The following PGBD5 variants were observed in gnomAD, a reference collection of about 807,000 sequenced individuals.
PGBD5 encodes the protein piggyBac transposable element-derived protein 5.
In PGBD5, 14 loss-of-function variants were observed where a neutral mutation model predicts 47.9. The observed-to-expected ratio is 0.29, with a 90% CI of 0.19 to 0.46. The LOEUF (loss-of-function observed/expected upper bound fraction) is 0.46. Among genes scored for constraint, PGBD5 ranks in the 20% least tolerant of loss-of-function variants. The probability of loss-of-function intolerance (pLI) is 1.00; values close to 1 mark genes in which losing one functional copy is unlikely to be tolerated. For missense variants in PGBD5, 635 were observed against 716.0 expected, an observed-to-expected ratio of 0.89 and a Z score of 1.29; for synonymous variants, 316 against 306.3, an observed-to-expected ratio of 1.03 and a Z score of -0.33.
intron 5 of PGBD5, 98 bp downstream of exon 5, chr1:230,332,746 A>T: frequency 7.1e-7 from 1 of 1,401,056 alleles, no homozygotes; most frequent in Non-Finnish European, 1.0e-6. Flanking sequence ...AGAGCAGCAC[A>T]GCCCACAGTG....
In PGBD5 at chr1:230,354,017, G is replaced by A. The variant is rs532705760; in HGVS notation, c.759+2877C>T. Among the ~76,000 whole-genome samples, 16 of 152,368 alleles carry A rather than the reference G, an allele frequency of 1.1e-4. No homozygotes were observed. The East Asian group carries it at 2.9e-3, about 28-fold the overall frequency. The stretch of plus-strand genomic sequence containing the variant: ...CAGCAAGGCCTGCAAGCCCCTGGGA[G>A]AGCCAGGCCCACCCCAACTGGAAAG... On this transcript the variant is annotated intron_variant, in intron 2 of 6. Coordinates refer to ENST00000391860, the MANE Select transcript of PGBD5 (RefSeq NM_001258311.2).
intron 5 of PGBD5, among the ~76,000 whole-genome samples, chr1:230,332,579 C>T (rs1208877130): frequency 6.6e-6 from 1 of 152,228 alleles, no homozygotes; most frequent in Non-Finnish European, 1.5e-5. Flanking sequence ...CCCGTGGTGG[C>T]TTGAGCCACC....
chr1:230,367,940 C>T (rs1239924126), intron 1 of PGBD5: 1 of 1,364,660 alleles, frequency 7.3e-7, no homozygotes, highest in Non-Finnish European at 9.8e-7. Flanking sequence ...CAAGGTCACG[C>T]AAGCTGGCAC....
chr1:230,336,774 T>G (rs74778015), intron 4 of PGBD5, among the ~76,000 whole-genome samples: 1,871 of 152,238 alleles, frequency 0.012, 47 homozygotes, highest in African/African-American at 0.042. Context: ...CCTAGAGCCT[T>G]ACTAGAAGCT....
At chr1:230,377,199 C>G (rs1393360052) in intron 1 of PGBD5, among the ~76,000 whole-genome samples, 1 of 152,128 alleles carries the variant, frequency 6.6e-6, no homozygotes, top group African/African-American at 2.4e-5. Context: ...AAGCAAATGC[C>G]TTGAGATAAG....
rs1558192913 is a variant in PGBD5 at position 230,335,867 on chromosome 1, A to ACATACAC, written c.1075+1240_1075+1241insGTGTATG. Among the ~76,000 whole-genome samples the ACATACAC allele has an allele frequency of 9.7e-4, 6 of 6,204 alleles. 2 individuals are homozygous for ACATACAC. Among genetic ancestry groups the ACATACAC allele is most frequent in the Non-Finnish European group, 5.5e-3 (5 of 916 alleles). The allele number at this position is 6,204 out of a possible 152,430, so 4.1% of individuals were successfully genotyped here. The stretch of plus-strand genomic sequence containing the variant: ...CACAGACACACAGATACACACACAG[A>ACATACAC]TGCATACACGGACACACAGATGCAT... On this transcript the variant is annotated intron_variant, in intron 4 of 6. Transcript: ENST00000391860.
At chr1:230,334,209 C>T (rs531938613) in intron 4 of PGBD5, among the ~76,000 whole-genome samples, 1 of 152,218 alleles carries the variant, frequency 6.6e-6, no homozygotes, top group Non-Finnish European at 1.5e-5. Context: ...TTTTGAGTCT[C>T]GCTGCTGAAA....
chr1:230,344,637 T>C (rs1197384130), intron 3 of PGBD5, among the ~76,000 whole-genome samples: 1 of 152,194 alleles, frequency 6.6e-6, no homozygotes, highest in East Asian at 1.9e-4. Context: ...ACGGACCTCA[T>C]TCAGAGTGTC....
intron 5 of PGBD5, among the ~76,000 whole-genome samples, chr1:230,327,394 C>T (rs1453141798): frequency 3.3e-5 from 5 of 152,152 alleles, no homozygotes; most frequent in East Asian, 3.9e-4. Flanking sequence ...ACCAGGGTCG[C>T]GCAGATCTGC....
At chr1:230,335,734 G>GATACAGACACACACAA (rs1667304420) in intron 4 of PGBD5, among the ~76,000 whole-genome samples, 6 of 158 alleles carry the variant, frequency 0.038, no homozygotes, top group South Asian at 0.25. Context: ...GACACACACA[G>GATACAGACACACACAA]ACTTACACAA....
intron 1 of PGBD5, among the ~76,000 whole-genome samples, chr1:230,420,878 TC>T (rs748959600): frequency 9.9e-5 from 15 of 152,144 alleles, no homozygotes. Context: ...ACAATCACAG[TC>T]CTTAAAAACA....
At chr1:230,338,291 G>A (rs1667357240) in intron 3 of PGBD5, among the ~76,000 whole-genome samples, 1 of 152,202 alleles carries the variant, frequency 6.6e-6, no homozygotes, top group Non-Finnish European at 1.5e-5. Flanking sequence ...GTCTGAGCAG[G>A]GCACGGCTGG....
intron 3 of PGBD5, among the ~76,000 whole-genome samples, chr1:230,350,144 G>T (rs190017771): frequency 1.3e-5 from 2 of 152,222 alleles, no homozygotes; most frequent in African/African-American, 4.8e-5. Flanking sequence ...GCAAGTGAGC[G>T]TGCGGTCAGC....
At chr1:230,413,041 A>G (rs778138867) in intron 1 of PGBD5, among the ~76,000 whole-genome samples, 3 of 151,716 alleles carry the variant, frequency 2.0e-5, no homozygotes, top group Non-Finnish European at 4.4e-5. Context: ...TAAGAAAACC[A>G]GTATTTTTTC....
In PGBD5 at chr1:230,317,706, C is replaced by T. The variant is rs1262297242; in HGVS notation, c.*5719G>A. 1 of 152,188 alleles carries T rather than the reference C, an allele frequency of 6.6e-6. No individual in the cohort carries two copies. Among genetic ancestry groups the T allele is most frequent in the Non-Finnish European group, 1.5e-5 (1 of 68,048 alleles). 9.4% of individuals were successfully genotyped at this position (152,188 alleles called of 1,614,324 possible). A position where few individuals can be genotyped will look rare whatever the true frequency, so the allele number is the denominator to read the frequency against. On this transcript the variant is annotated 3_prime_UTR_variant, in exon 7 of 7. Coordinates refer to ENST00000391860, the MANE Select transcript of PGBD5 (RefSeq NM_001258311.2). Reference sequence around the variant, plus strand: ...CCTGAGGGAGCCAGGAGGCTTGACACGTGAGGGAAGCCGCACACACTCCTC... The same window carrying T: ...CCTGAGGGAGCCAGGAGGCTTGACATGTGAGGGAAGCCGCACACACTCCTC...
chr1:230,393,074 C>T (rs270859), intron 1 of PGBD5, among the ~76,000 whole-genome samples: 80,388 of 137,098 alleles, frequency 0.59, 23,070 homozygotes, highest in Non-Finnish European at 0.62. Flanking sequence ...AAGGGGAAGG[C>T]GGAGGAGGAA....
At chr1:230,327,537 G>A (rs1203341513) in intron 5 of PGBD5, among the ~76,000 whole-genome samples, 3 of 152,242 alleles carry the variant, frequency 2.0e-5, no homozygotes. Context: ...CGGGGAAGGG[G>A]CCCTGGCAAT....
At chr1:230,372,740 C>T (rs1667948505) in intron 1 of PGBD5, among the ~76,000 whole-genome samples, 1 of 152,204 alleles carries the variant, frequency 6.6e-6, no homozygotes, top group Admixed American at 6.5e-5. Context: ...CTCGTCGCGC[C>T]ATGGACTCAT....
At chr1:230,390,005 C>T (rs1204965836) in intron 1 of PGBD5, among the ~76,000 whole-genome samples, 1 of 152,172 alleles carries the variant, frequency 6.6e-6, no homozygotes, top group Non-Finnish European at 1.5e-5. Context: ...CTGAATCACA[C>T]AGCCAGAAGG....
Sources: allele counts gnomAD v4.1 joint callset (sites outside exome capture counted in the v4.1 genomes callset), GRCh38; gene constraint gnomAD v4.1.1; transcripts MANE v1.5; gene names NCBI Gene and HGNC (gene_info 2026-07-23, HGNC 2026-07-21).